Variants in GSPT1 observed in about 807,000 individuals in gnomAD.
The protein encoded by GSPT1 is eukaryotic peptide chain release factor GTP-binding subunit ERF3A.
Under a neutral mutation model 72.5 loss-of-function variants are expected in GSPT1, and 20 were observed. The observed-to-expected ratio is 0.28, with a 90% CI of 0.19 to 0.40. The LOEUF (loss-of-function observed/expected upper bound fraction) is 0.40. GSPT1 is among the 10% of genes least tolerant of loss of function. The pLI, the probability that GSPT1 is intolerant of heterozygous loss-of-function variation, is 1.00. For synonymous variants in GSPT1, 334 were observed against 293.5 expected (o/e 1.14, Z -1.41); for missense variants, 580 against 811.9 (o/e 0.71, Z 3.47).
chr16:11,915,936 C>G lies in GSPT1; in HGVS notation c.-216G>C, dbSNP rs1158907865. On this transcript the variant is annotated 5_prime_UTR_variant, in exon 1 of 15. Coordinates refer to ENST00000434724, the MANE Select transcript of GSPT1 (RefSeq NM_002094.4). ...AGGCGGCGGCGGCGGCAGCTCAACC[C>G]TCCTCCTCGTGTGTGTGAGCGGATC... The G allele has an allele frequency of 2.7e-6, 2 of 753,594 alleles. No individual in the cohort carries two copies. Among genetic ancestry groups the G allele is most frequent in the Non-Finnish European group, 2.4e-6 (1 of 416,792 alleles). The allele number at this position is 753,594 out of a possible 1,614,324, so 46.7% of individuals were successfully genotyped here. A position where few individuals can be genotyped will look rare whatever the true frequency, so the allele number is the denominator to read the frequency against.
At chr16:11,880,833 G>A (rs946638926) in intron 11 of GSPT1, among the ~76,000 whole-genome samples, 3 of 152,178 alleles carry the variant, frequency 2.0e-5, no homozygotes, top group African/African-American at 7.2e-5. Flanking sequence ...TACATGATTG[G>A]CAAATGTTTT....
In GSPT1 at chr16:11,891,155, G is replaced by GAAA; in HGVS notation, c.699-19_699-17dup. 1 of 1,153,986 alleles carries GAAA rather than the reference G, an allele frequency of 8.7e-7. No homozygotes were observed. Among genetic ancestry groups the GAAA allele is most frequent in the Non-Finnish European group, 1.2e-6 (1 of 860,970 alleles). 71.5% of individuals were successfully genotyped at this position (1,153,986 alleles called of 1,614,324 possible). A position where few individuals can be genotyped will look rare whatever the true frequency, so the allele number is the denominator to read the frequency against. On this transcript the variant is annotated splice_polypyrimidine_tract_variant and intron_variant, in intron 5 of 14. Transcript: ENST00000434724. ...AGTCAAATACCTGAAAACATTTAAA[G>GAAA]AAAAAAAAAAGTAAACAATTACTCA...
At chr16:11,892,512 A>G (rs1412330801) in intron 5 of GSPT1, among the ~76,000 whole-genome samples, 1 of 131,762 alleles carries the variant, frequency 7.6e-6, no homozygotes, top group Non-Finnish European at 1.6e-5. Context: ...TTCTCAAAAA[A>G]ACAAAAAAAA....
chr16:11,906,865 A>G (rs2054496605), intron 1 of GSPT1, among the ~76,000 whole-genome samples: 1 of 152,154 alleles, frequency 6.6e-6, no homozygotes, highest in African/African-American at 2.4e-5. Context: ...AATCCCTCCA[A>G]CAACAAAGAA....
intron 5 of GSPT1, 146 bp from the exon 6 acceptor site, chr16:11,891,285 T>C: frequency 4.3e-6 from 1 of 234,880 alleles, no homozygotes; most frequent in Non-Finnish European, 7.8e-6. Flanking sequence ...ATATAAAATA[T>C]ATATATAACA....
chr16:11,914,993 A>G (rs1243661560), intron 1 of GSPT1: 2 of 1,288,790 alleles, frequency 1.6e-6, no homozygotes, highest in Non-Finnish European at 2.0e-6. Context: ...GCCCACCCAA[A>G]TGACTCCTGG....
At chr16:11,890,728 C>T (rs1335653256) in intron 6 of GSPT1, 3 of 172,740 alleles carry the variant, frequency 1.7e-5, no homozygotes, top group African/African-American at 4.8e-5. Flanking sequence ...CTGCTTCCCC[C>T]CAACTGCCAC....
chr16:11,915,908 C>T lies in GSPT1; in HGVS notation c.-188G>A, dbSNP rs1163328863. The T allele has an allele frequency of 2.3e-6, 2 of 857,484 alleles. No homozygotes were observed. Among genetic ancestry groups the T allele is most frequent in the Non-Finnish European group, 3.9e-6 (2 of 510,118 alleles). 53.1% of individuals were successfully genotyped at this position (857,484 alleles called of 1,614,324 possible). A position where few individuals can be genotyped will look rare whatever the true frequency, so the allele number is the denominator to read the frequency against. On this transcript the variant is annotated 5_prime_UTR_variant, in exon 1 of 15. Coordinates refer to ENST00000434724, the MANE Select transcript of GSPT1 (RefSeq NM_002094.4). ...CCCGACTCCACACTCGCGACGACGA[C>T]AGAGGCGGCGGCGGCGGCAGCTCAA...
intron 6 of GSPT1, among the ~76,000 whole-genome samples, chr16:11,889,200 TG>T (rs2054222612): frequency 6.6e-6 from 1 of 151,374 alleles, no homozygotes. Context: ...CCCAGCTACT[TG>T]GGAGGCTGAA....
At chr16:11,886,755 A>C in intron 8 of GSPT1, 22 bp downstream of exon 8, 1 of 1,605,226 alleles carries the variant, frequency 6.2e-7, no homozygotes. Context: ...ACTAACATAA[A>C]ATACCAGACA....
chr16:11,891,579 C>G (rs1432275847), intron 5 of GSPT1, among the ~76,000 whole-genome samples: 1 of 151,668 alleles, frequency 6.6e-6, no homozygotes, highest in East Asian at 1.9e-4. Flanking sequence ...CCAGGCTGGT[C>G]TCGAACTCCT....
At position 11,883,102 on chromosome 16, in the gene GSPT1, A is replaced by G. The variant is rs1156315617; in HGVS notation, c.1348-7T>C. On this transcript the variant is annotated splice_region_variant and splice_polypyrimidine_tract_variant and intron_variant, in intron 10 of 14. Transcript: ENST00000434724. ...GGACCACAGTGCCCATATCCTGATC[A>G]AATGTAAAATAAAATCCAGTTTCAG... The G allele has an allele frequency of 3.2e-6, 5 of 1,578,236 alleles. No individual in the cohort carries two copies. The East Asian group carries it at 1.1e-4, about 35-fold the overall frequency.
chr16:11,898,441 C>CTTT lies in GSPT1; in HGVS notation c.353-409_353-407dup, dbSNP rs5815660. ...CAGCCCAAGAAAGCTGTGATTAGCC[C>CTTT]TTTTTTTTTTTTTTTTTTTTTGAGA... On this transcript the variant is annotated intron_variant, in intron 1 of 14. Coordinates refer to ENST00000434724, the MANE Select transcript of GSPT1 (RefSeq NM_002094.4). 2.1e-4 allele frequency among the ~76,000 whole-genome samples: 22 copies of CTTT among 107,064 alleles called. No individual in the cohort carries two copies. The South Asian group carries it at 2.7e-3, about 13-fold the overall frequency. The allele number at this position is 107,064 out of a possible 152,430, so 70.2% of individuals were successfully genotyped here.
chr16:11,891,629 T>C (rs903922302), intron 5 of GSPT1, among the ~76,000 whole-genome samples: 6 of 151,464 alleles, frequency 4.0e-5, no homozygotes, highest in Non-Finnish European at 8.8e-5. Context: ...CCCAAAGTGC[T>C]GGGATTACAG....
intron 1 of GSPT1, among the ~76,000 whole-genome samples, chr16:11,902,089 T>TA (rs34522466): frequency 0.47 from 62,205 of 133,394 alleles, 14,338 homozygotes; most frequent in East Asian, 0.77. Flanking sequence ...AACTCCATCT[T>TA]AAAAAAAAAA....
chr16:11,905,436 G>T (rs904832505), intron 1 of GSPT1, among the ~76,000 whole-genome samples: 3 of 152,128 alleles, frequency 2.0e-5, no homozygotes, highest in African/African-American at 4.8e-5. Flanking sequence ...GTACACACTT[G>T]CCTACCTAAT....
At chr16:11,902,775 C>T (rs1041172249) in intron 1 of GSPT1, among the ~76,000 whole-genome samples, 2 of 151,794 alleles carry the variant, frequency 1.3e-5, no homozygotes, top group African/African-American at 4.8e-5. Context: ...TTAGTAGAGA[C>T]GGGGGTTTCA....
At chr16:11,898,076 T>C (rs2054362360) in intron 1 of GSPT1, 41 bp from the exon 2 acceptor site, 1 of 1,278,380 alleles carries the variant, frequency 7.8e-7, no homozygotes. Context: ...TTGATACTTA[T>C]CCATCCATTT....
chr16:11,892,352 CA>C (rs769335794), intron 5 of GSPT1, among the ~76,000 whole-genome samples: 1 of 150,130 alleles, frequency 6.7e-6, no homozygotes, highest in East Asian at 2.0e-4. Flanking sequence ...CTAAAAAAAA[CA>C]AAAAATCAGG....
Sources: allele counts gnomAD v4.1 joint callset (sites outside exome capture counted in the v4.1 genomes callset), GRCh38; gene constraint gnomAD v4.1.1; transcripts MANE v1.5; gene names NCBI Gene and HGNC (gene_info 2026-07-23, HGNC 2026-07-21).